KLRD1: variants seen among roughly 807,000 people sequenced by gnomAD.
The protein encoded by KLRD1 is natural killer cells antigen CD94.
Under a neutral mutation model 22.6 loss-of-function variants are expected in KLRD1, and 21 were observed. That is an observed-to-expected ratio of 0.93 (90% CI 0.66 to 1.34). The LOEUF (loss-of-function observed/expected upper bound fraction) is 1.34, where lower values mean the gene tolerates loss of function less well. KLRD1 is among the 40% of genes most tolerant of loss of function. The probability of loss-of-function intolerance (pLI) is 0.00; values close to 1 mark genes in which losing one functional copy is unlikely to be tolerated. For missense variants in KLRD1, 183 were observed against 208.6 expected (o/e 0.88, Z 0.76); for synonymous variants, 59 against 71.1 (o/e 0.83, Z 0.85).
At chr12:10,242,194 AT>A (rs1187758116) in intron 1 of KLRD1, among the ~76,000 whole-genome samples, 1 of 147,446 alleles carries the variant, frequency 6.8e-6, no homozygotes, top group African/African-American at 2.5e-5. Context: ...CTCCATTTTG[AT>A]TTGTCTTCTG....
intron 1 of KLRD1, among the ~76,000 whole-genome samples, chr12:10,279,531 G>T (rs1475085896): frequency 6.6e-6 from 1 of 152,022 alleles, no homozygotes; most frequent in East Asian, 1.9e-4. Context: ...ATATAAATAG[G>T]CAGTATGACA....
At chr12:10,247,325 T>C (rs1209673840) in intron 1 of KLRD1, among the ~76,000 whole-genome samples, 4 of 152,164 alleles carry the variant, frequency 2.6e-5, no homozygotes, top group African/African-American at 9.7e-5. Flanking sequence ...ATGAGAACAA[T>C]TTATTGGAAT....
intron 1 of KLRD1, among the ~76,000 whole-genome samples, chr12:10,293,284 A>G (rs751641184): frequency 4.0e-5 from 6 of 150,778 alleles, no homozygotes; most frequent in Non-Finnish European, 7.4e-5. Flanking sequence ...CTTTCGGCCT[A>G]TGTGGGCTTT....
chr12:10,291,564 G>T (rs1949770331), intron 1 of KLRD1, among the ~76,000 whole-genome samples: 1 of 150,862 alleles, frequency 6.6e-6, no homozygotes, highest in African/African-American at 2.4e-5. Flanking sequence ...ATAAAAAGCA[G>T]TTCCTCACCC....
At chr12:10,262,770 CAG>C (rs562899232) in intron 1 of KLRD1, among the ~76,000 whole-genome samples, 52 of 151,966 alleles carry the variant, frequency 3.4e-4, no homozygotes, top group Non-Finnish European at 6.6e-4. Context: ...GCAAATAAAA[CAG>C]ATATCCAAAA....
chr12:10,310,277 G>T (rs1048700342), intron 3 of KLRD1, among the ~76,000 whole-genome samples: 1 of 152,082 alleles, frequency 6.6e-6, no homozygotes, highest in Non-Finnish European at 1.5e-5. Context: ...CCGCCACCAT[G>T]CCCAGCTAAT....
rs183881968 is a variant in KLRD1 at position 10,320,445 on chromosome 12, C to T, written c.*5652C>T. Reference sequence around the variant, plus strand: ...CCAGAAAGTTTAGCAACACTTTTGTCTGTAGCATTGTGGAAAGTAGAAAAT... The same window carrying T: ...CCAGAAAGTTTAGCAACACTTTTGTTTGTAGCATTGTGGAAAGTAGAAAAT... On this transcript the variant is annotated 3_prime_UTR_variant, in exon 6 of 6. Coordinates refer to ENST00000336164, the MANE Select transcript of KLRD1 (RefSeq NM_002262.5). 6.6e-6 allele frequency: 1 copy of T among 152,212 alleles called. No homozygotes were observed. Among genetic ancestry groups the T allele is most frequent in the African/African-American group, 2.4e-5 (1 of 41,532 alleles). 9.4% of individuals were successfully genotyped at this position (152,212 alleles called of 1,614,324 possible). A position where few individuals can be genotyped will look rare whatever the true frequency, so the allele number is the denominator to read the frequency against.
At chr12:10,300,800 T>C (rs1949860109), upstream of KLRD1, among the ~76,000 whole-genome samples, 1 of 152,210 alleles carries the variant, frequency 6.6e-6, no homozygotes, top group Admixed American at 6.5e-5. Context: ...CATCAATTAG[T>C]TTTGCTAGAT....
At chr12:10,292,353 T>G (rs534817608) in intron 1 of KLRD1, among the ~76,000 whole-genome samples, 42 of 152,346 alleles carry the variant, frequency 2.8e-4, no homozygotes, top group African/African-American at 1.0e-3. Context: ...GAATCACTAT[T>G]TATTTAATAA....
intron 4 of KLRD1, 27 bp from the exon 5 acceptor site, chr12:10,313,383 A>C (rs2137717839): frequency 7.7e-7 from 1 of 1,295,612 alleles, no homozygotes; most frequent in Non-Finnish European, 1.1e-6. Context: ...AAATTAGATT[A>C]ATGTGATTGT....
At chr12:10,240,246 A>T (rs1200421901) in intron 1 of KLRD1, among the ~76,000 whole-genome samples, 1 of 151,760 alleles carries the variant, frequency 6.6e-6, no homozygotes, top group Non-Finnish European at 1.5e-5. Context: ...TTTTTTGTAG[A>T]CACAGGGTTT....
chr12:10,300,498 T>G (rs1260624149), upstream of KLRD1, among the ~76,000 whole-genome samples: 1 of 152,240 alleles, frequency 6.6e-6, no homozygotes, highest in East Asian at 1.9e-4. Context: ...TAAACCATGT[T>G]ATAAACAGAT....
intron 1 of KLRD1, among the ~76,000 whole-genome samples, chr12:10,281,467 A>G (rs1405679381): frequency 6.6e-6 from 1 of 152,216 alleles, no homozygotes; most frequent in Non-Finnish European, 1.5e-5. Flanking sequence ...TCTAACAGAA[A>G]ATATGAGACA....
At chr12:10,303,844 T>C (rs1477755165), upstream of KLRD1, among the ~76,000 whole-genome samples, 1 of 152,172 alleles carries the variant, frequency 6.6e-6, no homozygotes, top group Admixed American at 6.5e-5. Flanking sequence ...TGGCAAAGTT[T>C]TGAGCAGATC....
intron 1 of KLRD1, among the ~76,000 whole-genome samples, chr12:10,297,163 G>A (rs564849718): frequency 2.0e-5 from 3 of 152,318 alleles, no homozygotes; most frequent in South Asian, 4.1e-4. Flanking sequence ...CTGTGCTCAC[G>A]CAAGTTGTAA....
At chr12:10,245,793 T>C (rs10845085) in intron 1 of KLRD1, among the ~76,000 whole-genome samples, 114,353 of 152,008 alleles carry the variant, frequency 0.75, 43,581 homozygotes, top group East Asian at 1. Flanking sequence ...TTCTCTCTTT[T>C]CATGTTTTAT....
At chr12:10,301,600 C>T (rs1949867265), upstream of KLRD1, among the ~76,000 whole-genome samples, 1 of 152,344 alleles carries the variant, frequency 6.6e-6, no homozygotes, top group South Asian at 2.1e-4. Flanking sequence ...AACCTGCAGT[C>T]AGTGTATTGG....
rs1278531471 is a variant in KLRD1 at position 10,328,334 on chromosome 12, T to C, written c.*13541T>C. On this transcript the variant is annotated 3_prime_UTR_variant, in exon 6 of 6. Transcript: ENST00000336164. The stretch of plus-strand genomic sequence containing the variant: ...TCTTGATTACTGATTCAATCTTCAT[T>C]CTAGTTATAGATACGCTCATATTTT... 2.6e-5 allele frequency: 4 copies of C among 152,184 alleles called. No homozygotes were observed. Among genetic ancestry groups the C allele is most frequent in the Non-Finnish European group, 5.9e-5 (4 of 68,016 alleles). 9.4% of individuals were successfully genotyped at this position (152,184 alleles called of 1,614,324 possible).
At chr12:10,265,170 A>T (rs552684365) in intron 1 of KLRD1, among the ~76,000 whole-genome samples, 40 of 152,196 alleles carry the variant, frequency 2.6e-4, no homozygotes, top group South Asian at 6.2e-4. Context: ...TTTTAAAAAA[A>T]TTTTTTCAAA....
Sources: allele counts gnomAD v4.1 joint callset (sites outside exome capture counted in the v4.1 genomes callset), GRCh38; gene constraint gnomAD v4.1.1; transcripts MANE v1.5; gene names NCBI Gene and HGNC (gene_info 2026-07-23, HGNC 2026-07-21).